The following OTUD7A variants were observed in gnomAD, a reference collection of about 807,000 sequenced individuals.
OTUD7A encodes the protein OTU domain-containing protein 7A.
In OTUD7A, 12 loss-of-function variants were observed where a neutral mutation model predicts 65.7. The observed-to-expected ratio is 0.18, with a 90% CI of 0.12 to 0.30. The LOEUF (loss-of-function observed/expected upper bound fraction) is 0.30, where lower values mean the gene tolerates loss of function less well. OTUD7A is among the 10% of genes least tolerant of loss of function. OTUD7A has a pLI of 1.00. For synonymous variants in OTUD7A, 641 were observed against 586.3 expected (o/e 1.09, Z -1.35); for missense variants, 1,148 against 1,304.8 (o/e 0.88, Z 1.85).
chr15:31,603,900 T>C (rs1456628524), intron 3 of OTUD7A, among the ~76,000 whole-genome samples: 1 of 152,136 alleles, frequency 6.6e-6, no homozygotes, highest in Non-Finnish European at 1.5e-5. Context: ...TGAGATACCA[T>C]CTCACACCAG....
chr15:31,555,535 C>T (rs550232300), intron 5 of OTUD7A, among the ~76,000 whole-genome samples: 5 of 152,282 alleles, frequency 3.3e-5, no homozygotes, highest in South Asian at 2.1e-4. Context: ...GTGGGGGCCA[C>T]GGGAGCAGAG....
At chr15:31,800,993 G>C (rs1398871509) in intron 1 of OTUD7A, among the ~76,000 whole-genome samples, 2 of 136,964 alleles carry the variant, frequency 1.5e-5, no homozygotes, top group Non-Finnish European at 1.5e-5. Flanking sequence ...AACAAAGCAG[G>C]AAACAACAAC....
intron 8 of OTUD7A, among the ~76,000 whole-genome samples, chr15:31,517,331 C>A (rs866843743): frequency 2.0e-5 from 3 of 152,216 alleles, no homozygotes; most frequent in African/African-American, 7.2e-5. Flanking sequence ...CTGTGACCTG[C>A]ACTCTGTGAC....
intron 3 of OTUD7A, among the ~76,000 whole-genome samples, chr15:31,587,844 T>C (rs1889595017): frequency 1.3e-5 from 2 of 151,936 alleles, no homozygotes; most frequent in Non-Finnish European, 2.9e-5. Context: ...CTTTCTGCCA[T>C]AGGGCCCTAA....
At chr15:31,623,137 A>C (rs955682162) in intron 3 of OTUD7A, among the ~76,000 whole-genome samples, 2 of 152,212 alleles carry the variant, frequency 1.3e-5, no homozygotes, top group African/African-American at 4.8e-5. Context: ...TTCGTCTCAG[A>C]GGGGTACCCA....
intron 1 of OTUD7A, among the ~76,000 whole-genome samples, chr15:31,845,443 G>A: frequency 6.6e-6 from 1 of 152,216 alleles, no homozygotes; most frequent in East Asian, 1.9e-4. Context: ...CACAGGAGTA[G>A]CCAATATTTA....
chr15:31,867,952 T>G (rs1041896414), intron 1 of OTUD7A, among the ~76,000 whole-genome samples: 7 of 152,094 alleles, frequency 4.6e-5, no homozygotes, highest in Non-Finnish European at 2.9e-5. Context: ...CGCACACACA[T>G]GCACCCACCT....
chr15:31,768,274 G>A (rs948904271), intron 1 of OTUD7A: 11 of 739,076 alleles, frequency 1.5e-5, no homozygotes, highest in East Asian at 1.0e-4. Context: ...GGGCAGCGGC[G>A]AGTCTCGGCA....
intron 9 of OTUD7A, among the ~76,000 whole-genome samples, chr15:31,502,398 G>A (rs1217022655): frequency 2.6e-5 from 4 of 152,196 alleles, no homozygotes; most frequent in Non-Finnish European, 5.9e-5. Context: ...AACACCCTCA[G>A]CAAAATAGAA....
chr15:31,811,623 A>G (rs1896419226), intron 1 of OTUD7A, among the ~76,000 whole-genome samples: 1 of 151,900 alleles, frequency 6.6e-6, no homozygotes, highest in African/African-American at 2.4e-5. Context: ...AGGAGTGAGC[A>G]GGATCTCCAC....
At chr15:31,657,839 T>C (rs1034419536) in intron 1 of OTUD7A, among the ~76,000 whole-genome samples, 1 of 152,140 alleles carries the variant, frequency 6.6e-6, no homozygotes, top group Non-Finnish European at 1.5e-5. Context: ...TCAACCTGCC[T>C]TGTGTGGTCT....
chr15:31,676,423 A>G (rs1892595931), intron 1 of OTUD7A, among the ~76,000 whole-genome samples: 1 of 152,166 alleles, frequency 6.6e-6, no homozygotes, highest in Non-Finnish European at 1.5e-5. Flanking sequence ...CCTGCAGCTA[A>G]AAGTATCCAT....
intron 3 of OTUD7A, among the ~76,000 whole-genome samples, chr15:31,606,362 C>A (rs1030781760): frequency 1.1e-4 from 17 of 151,928 alleles, no homozygotes; most frequent in Non-Finnish European, 2.4e-4. Flanking sequence ...CGTGACCGTG[C>A]ACAGAGTTAG....
chr15:31,538,641 C>T (rs1282058254), intron 5 of OTUD7A, among the ~76,000 whole-genome samples: 4 of 152,162 alleles, frequency 2.6e-5, no homozygotes, highest in African/African-American at 9.7e-5. Context: ...ATTTTAACTT[C>T]TCTGACCTAT....
chr15:31,497,969 C>T (rs1380035513), intron 10 of OTUD7A, among the ~76,000 whole-genome samples: 2 of 152,228 alleles, frequency 1.3e-5, no homozygotes, highest in African/African-American at 4.8e-5. Flanking sequence ...CAGACCTAGG[C>T]AGCACCTGTA....
In OTUD7A at chr15:31,524,116, G is replaced by C. The variant is rs377182868; in HGVS notation, c.893+2233C>G. Among the ~76,000 whole-genome samples the C allele has an allele frequency of 3.2e-3, 479 of 152,054 alleles. 2 individuals carry two copies. Among genetic ancestry groups the C allele is most frequent in the African/African-American group, 0.011 (450 of 41,460 alleles). On this transcript the variant is annotated intron_variant, in intron 8 of 12. Coordinates refer to ENST00000307050, the MANE Select transcript of OTUD7A (RefSeq NM_001382637.1). ...TGTTTGGTAGATTCCTATTGCATAT[G>C]CTCTGTCCTCTTCTGAGTTTTTTGT...
At chr15:31,560,034 T>C (rs1888639700) in intron 4 of OTUD7A, among the ~76,000 whole-genome samples, 1 of 152,230 alleles carries the variant, frequency 6.6e-6, no homozygotes, top group Non-Finnish European at 1.5e-5. Context: ...ATCAGCACTG[T>C]CAAAGAGCAC....
chr15:31,559,089 G>A lies in OTUD7A; in HGVS notation c.430C>T (p.Leu144=). 6.2e-7 allele frequency: 1 copy of A among 1,613,560 alleles called. No individual in the cohort carries two copies. The highest frequency in any genetic ancestry group is 2.2e-5 in the East Asian group (1 of 44,852). ...ASECNNEQFP[L]EMPIYTFQLP... is the part of the protein sequence containing the mutation. The stretch of plus-strand genomic sequence containing the variant: ...TGGAATGTGTAGATTGGCATCTCCA[G>A]GGGGAACTGCTCGTTGTTGCATTCA... Residue 144 remains leucine, a synonymous_variant, in exon 5 of 13, where the codon CTG becomes TTG. Transcript: ENST00000307050.
At chr15:31,776,235 C>T (rs549060715) in intron 1 of OTUD7A, among the ~76,000 whole-genome samples, 22 of 152,354 alleles carry the variant, frequency 1.4e-4, no homozygotes, top group African/African-American at 4.8e-4. Flanking sequence ...GTGTCTTAAG[C>T]TTATTCCACA....
Sources: allele counts gnomAD v4.1 joint callset (sites outside exome capture counted in the v4.1 genomes callset), GRCh38; gene constraint gnomAD v4.1.1; transcripts MANE v1.5; gene names NCBI Gene and HGNC (gene_info 2026-07-23, HGNC 2026-07-21).